Variants in CAMTA1 observed in about 807,000 individuals in gnomAD.
CAMTA1 encodes calmodulin binding transcription activator 1, also known as calmodulin-binding transcription activator 1.
A neutral mutation model predicts 170.9 loss-of-function variants in CAMTA1; 27 were observed. The ratio of observed to expected loss-of-function variants is 0.16; its 90% CI spans 0.12 to 0.22. The LOEUF is 0.22. CAMTA1 is among the 10% of genes least tolerant of loss of function. The pLI is 1.00. For synonymous variants in CAMTA1, 833 were observed against 891.5 expected (o/e 0.93, Z 1.17); for missense variants, 1,619 against 2,217.2 (o/e 0.73, Z 5.42).
At chr1:7,036,739 C>T (rs569421251) in intron 3 of CAMTA1, among the ~76,000 whole-genome samples, 84 of 152,294 alleles carry the variant, frequency 5.5e-4, no homozygotes, top group Non-Finnish European at 8.8e-4. Context: ...TAGTTTGTTA[C>T]GTTTCTGCTA....
Position 7,451,473 on chromosome 1 carries a change from C to T in CAMTA1, c.439-16357C>T, listed in dbSNP as rs61125512. On this transcript the variant is annotated intron_variant, in intron 5 of 22. Coordinates refer to ENST00000303635, the MANE Select transcript of CAMTA1 (RefSeq NM_015215.4). ...GAGGGATGAGTCAGCTCGCCCCATC[C>T]CTGCTCTCCGAAGCCCCAGGTCCCT... Among the ~76,000 whole-genome samples the T allele has an allele frequency of 2.7e-3, 411 of 152,254 alleles. 2 individuals carry two copies. Among genetic ancestry groups the T allele is most frequent in the African/African-American group, 9.0e-3 (374 of 41,546 alleles).
chr1:7,084,741 A>G (rs770284543), intron 3 of CAMTA1, among the ~76,000 whole-genome samples: 10 of 152,190 alleles, frequency 6.6e-5, no homozygotes, highest in Non-Finnish European at 1.2e-4. Flanking sequence ...AGAGCTGGCC[A>G]TCCAGTACGG....
At chr1:6,859,005 A>G (rs970289073) in intron 3 of CAMTA1, among the ~76,000 whole-genome samples, 4 of 152,236 alleles carry the variant, frequency 2.6e-5, no homozygotes, top group African/African-American at 7.2e-5. Context: ...TTATCTTATT[A>G]TATTTTATTA....
At chr1:7,422,397 A>G (rs1196577627) in intron 5 of CAMTA1, among the ~76,000 whole-genome samples, 1 of 152,030 alleles carries the variant, frequency 6.6e-6, no homozygotes, top group Non-Finnish European at 1.5e-5. Flanking sequence ...GAGACAGCAG[A>G]TCCCGGCTTC....
intron 5 of CAMTA1, among the ~76,000 whole-genome samples, chr1:7,441,817 A>G (rs1474242256): frequency 6.6e-6 from 1 of 152,168 alleles, no homozygotes; most frequent in Non-Finnish European, 1.5e-5. Context: ...TCCCATCCCC[A>G]TCCCGAGGCC....
chr1:7,622,121 G>A (rs1017868148), intron 6 of CAMTA1, among the ~76,000 whole-genome samples: 2 of 152,170 alleles, frequency 1.3e-5, no homozygotes, highest in African/African-American at 2.4e-5. Flanking sequence ...AGCGGAGATT[G>A]GTTTTGCTCG....
rs567222883 is a variant in CAMTA1, at chr1:7,632,927, T to G, written c.511-7473T>G. ...TGCAGCCTGGAGCACCTCCCCCACC[T>G]CCGCCTCATGCCCATTTACTAGCCA... On this transcript the variant is annotated intron_variant, in intron 6 of 22. Transcript: ENST00000303635. Among the ~76,000 whole-genome samples the G allele has an allele frequency of 7.2e-5, 11 of 152,304 alleles. 1 individual carries two copies. The South Asian group carries it at 2.3e-3, about 32-fold the overall frequency.
At chr1:7,607,786 G>A (rs1481298375) in intron 6 of CAMTA1, among the ~76,000 whole-genome samples, 1 of 152,170 alleles carries the variant, frequency 6.6e-6, no homozygotes, top group Non-Finnish European at 1.5e-5. Flanking sequence ...AAAGAGTGGA[G>A]TCGTATCTTC....
At chr1:6,907,672 G>A (rs1348010812) in intron 3 of CAMTA1, among the ~76,000 whole-genome samples, 1 of 152,174 alleles carries the variant, frequency 6.6e-6, no homozygotes, top group East Asian at 1.9e-4. Context: ...CAGCAGGTAC[G>A]GGGCCAGCCT....
chr1:7,681,771 G>T lies in CAMTA1; in HGVS notation c.2914+4038G>T, dbSNP rs537454306. Among the ~76,000 whole-genome samples, 12 of 146,894 alleles carry T rather than the reference G, an allele frequency of 8.2e-5. 1 individual carries two copies. Among genetic ancestry groups the T allele is most frequent in the African/African-American group, 2.8e-4 (11 of 39,778 alleles). ...TGTAGATTTGGCCTCGCCTGTGCCT[G>T]TGTTTACAAAGAGAATAAACCCAGG... is the stretch of plus-strand genomic sequence containing the variant. On this transcript the variant is annotated intron_variant, in intron 11 of 22. Transcript: ENST00000303635. This position sits in a 1 kb window ranked among gnomAD's most constrained non-coding sequence, Gnocchi z 4.6.
intron 3 of CAMTA1, among the ~76,000 whole-genome samples, chr1:7,026,118 T>A (rs2101020492): frequency 6.7e-6 from 1 of 149,858 alleles, no homozygotes; most frequent in African/African-American, 2.5e-5. Flanking sequence ...AGACCCTGCC[T>A]TAAAAAAAAA....
At chr1:6,811,357 A>G (rs1645143300) in intron 1 of CAMTA1, among the ~76,000 whole-genome samples, 1 of 152,160 alleles carries the variant, frequency 6.6e-6, no homozygotes, top group Non-Finnish European at 1.5e-5. Context: ...TGGGTTCATT[A>G]TGTTGTATGT....
chr1:7,163,256 C>T (rs1212212709), intron 4 of CAMTA1, among the ~76,000 whole-genome samples: 1 of 131,730 alleles, frequency 7.6e-6, no homozygotes, highest in Admixed American at 8.9e-5. Context: ...AGAGGTGGTG[C>T]TGTTATTGGT....
chr1:7,531,939 A>T lies in CAMTA1; in HGVS notation c.510+64038A>T, dbSNP rs562128857. ...AATGTTGGCTTTTGAACAGATAGTA[A>T]TTTTTTTCTAACGCACCTACAAAAT... On this transcript the variant is annotated intron_variant, in intron 6 of 22. Coordinates refer to ENST00000303635, the MANE Select transcript of CAMTA1 (RefSeq NM_015215.4). Among the ~76,000 whole-genome samples, 9 of 152,140 alleles carry T rather than the reference A, an allele frequency of 5.9e-5. No individual in the cohort carries two copies. In the South Asian group the frequency reaches 1.2e-3, roughly 21 times the overall value.
intron 4 of CAMTA1, among the ~76,000 whole-genome samples, chr1:7,233,384 G>C (rs1663201512): frequency 6.6e-6 from 1 of 152,120 alleles, no homozygotes; most frequent in African/African-American, 2.4e-5. Flanking sequence ...TACGTGACCT[G>C]GCTGCACCAA....
rs1055498955 is a variant in CAMTA1 at position 7,216,934 on chromosome 1, A to T, written c.303-32557A>T. Among the ~76,000 whole-genome samples, 1 of 152,198 alleles carries T rather than the reference A, an allele frequency of 6.6e-6. No individual in the cohort carries two copies. Among genetic ancestry groups the T allele is most frequent in the East Asian group, 1.9e-4 (1 of 5,204 alleles). On this transcript the variant is annotated intron_variant, in intron 4 of 22. Coordinates refer to ENST00000303635, the MANE Select transcript of CAMTA1 (RefSeq NM_015215.4). This position sits in a 1 kb window ranked among gnomAD's most constrained non-coding sequence, Gnocchi z 4.0. ...AGAAGGTGTCATAATGTTGTTTCTT[A>T]AATTATACTTATTCTACTTTGATAT...
intron 3 of CAMTA1, among the ~76,000 whole-genome samples, chr1:7,030,125 C>G (rs1187039040): frequency 6.6e-6 from 1 of 152,210 alleles, no homozygotes; most frequent in Non-Finnish European, 1.5e-5. Context: ...CAAAACCCTA[C>G]AAGCGGTACT....
At chr1:7,047,297 A>G (rs1410412070) in intron 3 of CAMTA1, among the ~76,000 whole-genome samples, 1 of 152,138 alleles carries the variant, frequency 6.6e-6, no homozygotes, top group Non-Finnish European at 1.5e-5. Flanking sequence ...AGGAGGATAG[A>G]TTTTCTCCCT....
rs145634644 is a variant in CAMTA1, at chr1:6,805,847, T to A, written c.46-14334T>A. Among the ~76,000 whole-genome samples, 681 of 152,288 alleles carry A rather than the reference T, an allele frequency of 4.5e-3. 8 individuals are homozygous for A. The highest frequency in any genetic ancestry group is 0.016 in the African/African-American group (665 of 41,566). On this transcript the variant is annotated intron_variant, in intron 1 of 22. Coordinates refer to ENST00000303635, the MANE Select transcript of CAMTA1 (RefSeq NM_015215.4). ...ATAGTGTCCTTTGAAGAACAGAAGT[T>A]TTAAATTTGATTGTGTCCCATTTAT...
Sources: gnomAD v4.1 joint callset for allele counts (sites outside exome capture counted in the v4.1 genomes callset) on GRCh38, gnomAD v4.1.1 for gene constraint, Gnocchi (gnomAD v3.1) non-coding constraint, MANE v1.5 for transcripts, NCBI Gene and HGNC (gene_info 2026-07-23, HGNC 2026-07-21) for gene names.